Variants in KCNE4 observed in about 807,000 individuals in gnomAD.
KCNE4 encodes potassium voltage-gated channel subfamily E regulatory subunit 4, also known as potassium voltage-gated channel subfamily E member 4.
Under a neutral mutation model 9.2 loss-of-function variants are expected in KCNE4, and 6 were observed. The ratio of observed to expected loss-of-function variants is 0.65; its 90% CI spans 0.36 to 1.29. The LOEUF is 1.29. KCNE4 is among the 50% of genes most tolerant of loss of function. The pLI is 0.03. For synonymous variants in KCNE4, 115 were observed against 103.2 expected (o/e 1.11, Z -0.70); for missense variants, 222 against 228.8 (o/e 0.97, Z 0.19).
rs1156291193 is a variant in KCNE4 at position 223,053,449 on chromosome 2, G to C, written c.*106G>C. ...ACTTTCACAGTGCGGCTGCCACTTT[G>C]AAGAGACCCTTGGTAAACCCCTGAT... On this transcript the variant is annotated 3_prime_UTR_variant, in exon 2 of 2. Coordinates refer to ENST00000281830, the MANE Select transcript of KCNE4 (RefSeq NM_080671.4). The surrounding 1 kb of genome is among the most constrained non-coding windows in gnomAD (Gnocchi z 4.1). 4 of 1,182,104 alleles carry C rather than the reference G, an allele frequency of 3.4e-6. No individual in the cohort carries two copies. The East Asian group carries it at 1.0e-4, about 30-fold the overall frequency. 73.2% of individuals were successfully genotyped at this position (1,182,104 alleles called of 1,614,324 possible).
rs1245078786 is a variant in KCNE4, at chr2:223,054,364, C to T, written c.*1021C>T. The T allele has an allele frequency of 6.0e-6, 1 of 167,094 alleles. No individual in the cohort carries two copies. The highest frequency in any genetic ancestry group is 1.5e-5 in the Non-Finnish European group (1 of 68,122). 10.4% of individuals were successfully genotyped at this position (167,094 alleles called of 1,614,324 possible). On this transcript the variant is annotated 3_prime_UTR_variant, in exon 2 of 2. Coordinates refer to ENST00000281830, the MANE Select transcript of KCNE4 (RefSeq NM_080671.4). ...TGGTCCCGGGCATGTCATCAAGAAG[C>T]TCGCTGTCTGCATGAGGCTCCCGAC...
chr2:223,053,203 G>A lies in KCNE4; in HGVS notation c.373G>A (p.Val125Met). ...CCTCTGTTCCATGGAAGGGGACAGC[G>A]TGAGCTCCGAGTCCTCCTCCCCGGA... ...CTLCSMEGDS[V>M]SSESSSPDVH... The change falls in exon 2 of 2, where the codon GTG becomes ATG. Residue 125 changes from valine to methionine, a missense_variant. Physicochemically the swap from Val to Met is conservative, Grantham distance 21. Coordinates refer to ENST00000281830, the MANE Select transcript of KCNE4 (RefSeq NM_080671.4). This position sits in a 1 kb window ranked among gnomAD's most constrained non-coding sequence, Gnocchi z 4.1. 1 of 1,612,888 alleles carries A rather than the reference G, an allele frequency of 6.2e-7. No homozygotes were observed. The highest frequency in any genetic ancestry group is 8.5e-7 in the Non-Finnish European group (1 of 1,179,248).
At position 223,055,431 on chromosome 2, in the gene KCNE4, G is replaced by A. The variant is rs773732196; in HGVS notation, c.*2088G>A. 4 of 167,018 alleles carry A rather than the reference G, an allele frequency of 2.4e-5. No individual in the cohort carries two copies. The highest frequency in any genetic ancestry group is 6.5e-5 in the Admixed American group (1 of 15,270). 10.3% of individuals were successfully genotyped at this position (167,018 alleles called of 1,614,324 possible). A position where few individuals can be genotyped will look rare whatever the true frequency, so the allele number is the denominator to read the frequency against. The stretch of plus-strand genomic sequence containing the variant: ...TTGAATTCTGAAATTTCACTGCGAC[G>A]GACATGTGCCTTGTCACATTTTCCA... On this transcript the variant is annotated 3_prime_UTR_variant, in exon 2 of 2. Coordinates refer to ENST00000281830, the MANE Select transcript of KCNE4 (RefSeq NM_080671.4).
At position 223,053,182 on chromosome 2, in the gene KCNE4, T is replaced by G; in HGVS notation, c.352T>G (p.Cys118Gly). 1.2e-6 allele frequency: 2 copies of G among 1,611,532 alleles called. No individual in the cohort carries two copies. Among genetic ancestry groups the G allele is most frequent in the Non-Finnish European group, 1.7e-6 (2 of 1,178,180 alleles). ...GGCGCCCGCGCTGTCCTGCACCCTC[T>G]GTTCCATGGAAGGGGACAGCGTGAG... ...SVAPALSCTL[C>G]SMEGDSVSSE... The change falls in exon 2 of 2, where the codon TGT (cysteine) becomes GGT (glycine). Residue 118 changes from cysteine (C) to glycine (G), a missense_variant. Transcript: ENST00000281830. This position sits in a 1 kb window ranked among gnomAD's most constrained non-coding sequence, Gnocchi z 4.1.
In KCNE4 at chr2:223,053,686, G is replaced by T. The variant is rs951572525; in HGVS notation, c.*343G>T. On this transcript the variant is annotated 3_prime_UTR_variant, in exon 2 of 2. Coordinates refer to ENST00000281830, the MANE Select transcript of KCNE4 (RefSeq NM_080671.4). This position sits in a 1 kb window ranked among gnomAD's most constrained non-coding sequence, Gnocchi z 4.1. ...TGGATGCCCTGGGTAGCTCCTGCAG[G>T]GTCTGCCTGTTCCCAGGGCTGCCGA... is the stretch of plus-strand genomic sequence containing the variant. 6 of 359,170 alleles carry T rather than the reference G, an allele frequency of 1.7e-5. No homozygotes were observed. Among genetic ancestry groups the T allele is most frequent in the African/African-American group, 1.2e-4 (6 of 48,068 alleles). 22.2% of individuals were successfully genotyped at this position (359,170 alleles called of 1,614,324 possible).
Position 223,054,110 on chromosome 2 carries a change from A to G in KCNE4, c.*767A>G, listed in dbSNP as rs1224253364. 6.0e-6 allele frequency: 1 copy of G among 166,652 alleles called. No individual in the cohort carries two copies. The highest frequency in any genetic ancestry group is 6.6e-5 in the Admixed American group (1 of 15,230). The allele number at this position is 166,652 out of a possible 1,614,324, so 10.3% of individuals were successfully genotyped here. A position where few individuals can be genotyped will look rare whatever the true frequency, so the allele number is the denominator to read the frequency against. The stretch of plus-strand genomic sequence containing the variant: ...TGCACTCCCGATGGTGGTTCAGGAG[A>G]CTCTTCCTGATCTTTCTAGAAGGGG... On this transcript the variant is annotated 3_prime_UTR_variant, in exon 2 of 2. Transcript: ENST00000281830.
rs987520456 is a variant in KCNE4 at position 223,054,314 on chromosome 2, C to T, written c.*971C>T. On this transcript the variant is annotated 3_prime_UTR_variant, in exon 2 of 2. Transcript: ENST00000281830. ...CTCCAAGTTCTGTGCTTCCTGATCC[C>T]GAGCCCTGACACTCATTTGCTGTGT... 3 of 167,064 alleles carry T rather than the reference C, an allele frequency of 1.8e-5. No homozygotes were observed. The highest frequency in any genetic ancestry group is 3.8e-4 in the East Asian group (2 of 5,202). 10.3% of individuals were successfully genotyped at this position (167,064 alleles called of 1,614,324 possible). A position where few individuals can be genotyped will look rare whatever the true frequency, so the allele number is the denominator to read the frequency against.
intron 1 of KCNE4, 23 bp from the exon 2 acceptor site, chr2:223,052,785 C>A (rs1418394119): frequency 6.2e-7 from 1 of 1,601,836 alleles, no homozygotes; most frequent in Non-Finnish European, 8.5e-7. Context: ...GGGGAGAGTT[C>A]TAACCTGCGG....
intron 1 of KCNE4, 76 bp downstream of exon 1, chr2:223,052,350 T>A (rs1698706227): frequency 9.2e-7 from 1 of 1,089,104 alleles, no homozygotes; most frequent in African/African-American, 1.6e-5. Flanking sequence ...TAGATGAATT[T>A]TTTTCCTTTA....
rs1317310444 is a variant in KCNE4, at chr2:223,055,318, A to G, written c.*1975A>G. 6.0e-6 allele frequency: 1 copy of G among 167,116 alleles called. No homozygotes were observed. Among genetic ancestry groups the G allele is most frequent in the Non-Finnish European group, 1.5e-5 (1 of 68,116 alleles). The allele number at this position is 167,116 out of a possible 1,614,324, so 10.4% of individuals were successfully genotyped here. The stretch of plus-strand genomic sequence containing the variant: ...TTTGGGGGAAAAAGGCCCTCTGTTC[A>G]CTTTAAAATTCAGTGTGGACTTATG... On this transcript the variant is annotated 3_prime_UTR_variant, in exon 2 of 2. Coordinates refer to ENST00000281830, the MANE Select transcript of KCNE4 (RefSeq NM_080671.4).
In KCNE4 at chr2:223,053,346, C is replaced by T; in HGVS notation, c.*3C>T. On this transcript the variant is annotated 3_prime_UTR_variant, in exon 2 of 2. Coordinates refer to ENST00000281830, the MANE Select transcript of KCNE4 (RefSeq NM_080671.4). The surrounding 1 kb of genome is among the most constrained non-coding windows in gnomAD (Gnocchi z 4.1). ...AGAACATCCATCAGAATTCCTAGCA[C>T]CCCCGGGACCCCTGCCGGTGGCTCC... The T allele has an allele frequency of 1.2e-6, 2 of 1,612,388 alleles. No homozygotes were observed. The highest frequency in any genetic ancestry group is 1.1e-5 in the South Asian group (1 of 90,882).
In KCNE4 at chr2:223,052,851, G is replaced by GA; in HGVS notation, c.23dup (p.Asn8LysfsTer139). 6.2e-7 allele frequency: 1 copy of GA among 1,612,698 alleles called. No homozygotes were observed. The highest frequency in any genetic ancestry group is 8.5e-7 in the Non-Finnish European group (1 of 1,179,970). On this transcript the variant is annotated frameshift_variant, in exon 2 of 2. Transcript: ENST00000281830. LOFTEE classifies it high-confidence loss of function. The stretch of plus-strand genomic sequence containing the variant: ...CCTCAATGCTGAAAATGGAGCCTCT[G>GA]AACAGCACGCACCCCGGCACCGCCG...
Position 223,053,962 on chromosome 2 carries a change from G to A in KCNE4, c.*619G>A, listed in dbSNP as rs41313545. 0.02 allele frequency: 3,308 copies of A among 168,458 alleles called. 125 individuals are homozygous for A. The highest frequency in any genetic ancestry group is 0.075 in the African/African-American group (3,135 of 41,550). The allele number at this position is 168,458 out of a possible 1,614,324, so 10.4% of individuals were successfully genotyped here. On this transcript the variant is annotated 3_prime_UTR_variant, in exon 2 of 2. Coordinates refer to ENST00000281830, the MANE Select transcript of KCNE4 (RefSeq NM_080671.4). This position sits in a 1 kb window ranked among gnomAD's most constrained non-coding sequence, Gnocchi z 4.1. ...CTGTTAACATTGGCCGGGGTTATAA[G>A]AGATGATCTTCTATTTTGACCTTTT...
Position 223,053,505 on chromosome 2 carries a change from G to A in KCNE4, c.*162G>A. The A allele has an allele frequency of 7.9e-6, 6 of 758,592 alleles. No homozygotes were observed. Among genetic ancestry groups the A allele is most frequent in the Non-Finnish European group, 1.4e-5 (6 of 443,108 alleles). 47.0% of individuals were successfully genotyped at this position (758,592 alleles called of 1,614,324 possible). On this transcript the variant is annotated 3_prime_UTR_variant, in exon 2 of 2. Coordinates refer to ENST00000281830, the MANE Select transcript of KCNE4 (RefSeq NM_080671.4). This position sits in a 1 kb window ranked among gnomAD's most constrained non-coding sequence, Gnocchi z 4.1. ...GTGGGGTGGGGGACTAGGCTCAGCC[G>A]GAACCAGCACCTCCAAGGAGTCCGG...
rs760711438 is a variant in KCNE4, at chr2:223,053,318, C to G, written c.488C>G (p.Ser163Trp). 1 of 1,613,830 alleles carries G rather than the reference C, an allele frequency of 6.2e-7. No individual in the cohort carries two copies. The highest frequency in any genetic ancestry group is 8.5e-7 in the Non-Finnish European group (1 of 1,179,980). Residue 163 changes from serine (S) to tryptophan (W), a missense_variant, in exon 2 of 2, where the codon TCG (serine) becomes TGG (tryptophan). Coordinates refer to ENST00000281830, the MANE Select transcript of KCNE4 (RefSeq NM_080671.4). This position sits in a 1 kb window ranked among gnomAD's most constrained non-coding sequence, Gnocchi z 4.1. ...TPLNESSEGS[S>W]ENIHQNS ...CTCAACGAGAGCAGCGAAGGGTCCT[C>G]GGAGAACATCCATCAGAATTCCTAG...
Position 223,052,900 on chromosome 2 carries a change from C to T in KCNE4, c.70C>T (p.Arg24Cys), listed in dbSNP as rs750286653. Reference sequence around the variant, plus strand: ...CGCCTCCAGCAGCCCCCTGGAGTCCCGTGCGGCCGGCGGCGGCAGCGGCAA... The same window carrying T: ...CGCCTCCAGCAGCCCCCTGGAGTCCTGTGCGGCCGGCGGCGGCAGCGGCAA... ...TAASSSPLES[R>C]AAGGGSGNGN... Residue 24 changes from arginine (R) to cysteine (C), a missense_variant, in exon 2 of 2, where the codon CGT becomes TGT. Arg to Cys is a radical substitution (Grantham distance 180). Coordinates refer to ENST00000281830, the MANE Select transcript of KCNE4 (RefSeq NM_080671.4). The T allele has an allele frequency of 7.4e-6, 12 of 1,614,034 alleles. No individual in the cohort carries two copies. In the East Asian group the frequency reaches 8.9e-5, roughly 12 times the overall value.
Position 223,052,991 on chromosome 2 carries a change from T to A in KCNE4, c.161T>A (p.Met54Lys). Residue 54 changes from methionine to lysine, a missense_variant, in exon 2 of 2, where the codon ATG (methionine) becomes AAG (lysine). Transcript: ENST00000281830. Reference protein sequence around the residue: ...SFYGIFLIGIMLGYMKSKRRE... With the variant: ...SFYGIFLIGIKLGYMKSKRRE... Reference sequence around the variant, plus strand: ...TACGGCATTTTCTTGATCGGAATCATGCTGGGCTACATGAAATCCAAGAGG... The same window carrying A: ...TACGGCATTTTCTTGATCGGAATCAAGCTGGGCTACATGAAATCCAAGAGG... 1 of 1,614,206 alleles carries A rather than the reference T, an allele frequency of 6.2e-7. No homozygotes were observed. The highest frequency in any genetic ancestry group is 8.5e-7 in the Non-Finnish European group (1 of 1,180,022).
Position 223,053,683 on chromosome 2 carries a change from C to G in KCNE4, c.*340C>G. 2.7e-6 allele frequency: 1 copy of G among 366,420 alleles called. No homozygotes were observed. Among genetic ancestry groups the G allele is most frequent in the South Asian group, 2.9e-5 (1 of 34,006 alleles). 22.7% of individuals were successfully genotyped at this position (366,420 alleles called of 1,614,324 possible). ...CACTGGATGCCCTGGGTAGCTCCTG[C>G]AGGGTCTGCCTGTTCCCAGGGCTGC... On this transcript the variant is annotated 3_prime_UTR_variant, in exon 2 of 2. Transcript: ENST00000281830. The surrounding 1 kb of genome is among the most constrained non-coding windows in gnomAD (Gnocchi z 4.1).
At position 223,052,248 on chromosome 2, in the gene KCNE4, A is replaced by G; in HGVS notation, c.-50A>G. ...CTTGGACTGGACGATTTGGGAATTC[A>G]AAACTTGGGACAAACTGTCAGCCTT... On this transcript the variant is annotated 5_prime_UTR_variant, in exon 1 of 2. Transcript: ENST00000281830. 1 of 1,235,588 alleles carries G rather than the reference A, an allele frequency of 8.1e-7. No individual in the cohort carries two copies. Among genetic ancestry groups the G allele is most frequent in the Non-Finnish European group, 1.0e-6 (1 of 990,386 alleles). 76.5% of individuals were successfully genotyped at this position (1,235,588 alleles called of 1,614,324 possible).
Sources: gnomAD v4.1 joint callset for allele counts on GRCh38, gnomAD v4.1.1 for gene constraint, Gnocchi (gnomAD v3.1) non-coding constraint, MANE v1.5 for transcripts, NCBI Gene and HGNC (gene_info 2026-07-23, HGNC 2026-07-21) for gene names.